The following ZFPM2 variants were observed in gnomAD, a reference collection of about 807,000 sequenced individuals.
The protein encoded by ZFPM2 is zinc finger protein, FOG family member 2.
In ZFPM2, 20 loss-of-function variants were observed where a neutral mutation model predicts 98.6. The ratio of observed to expected loss-of-function variants is 0.20; its 90% CI spans 0.14 to 0.29. The LOEUF is 0.29. Among genes scored for constraint, ZFPM2 ranks in the 10% least tolerant of loss-of-function variants. ZFPM2 has a pLI of 1.00. For synonymous variants in ZFPM2, 518 were observed against 502.7 expected, an observed-to-expected ratio of 1.03 and a Z score of -0.41; for missense variants, 1,310 against 1,388.6, an observed-to-expected ratio of 0.94 and a Z score of 0.90.
At chr8:105,380,605 A>AT (rs1563630685) in intron 1 of ZFPM2, among the ~76,000 whole-genome samples, 6 of 71,710 alleles carry the variant, frequency 8.4e-5, no homozygotes, top group Non-Finnish European at 1.6e-4. Context: ...TATATATTAT[A>AT]TATATATATA....
At chr8:105,779,341 G>A (rs1813189682) in intron 5 of ZFPM2, among the ~76,000 whole-genome samples, 1 of 152,182 alleles carries the variant, frequency 6.6e-6, no homozygotes, top group African/African-American at 2.4e-5. Context: ...AGCTGTGCTA[G>A]AGGTTTACAG....
At position 105,443,538 on chromosome 8, in the gene ZFPM2, A is replaced by G. The variant is rs531132238; in HGVS notation, c.200-742A>G. On this transcript the variant is annotated intron_variant, in intron 2 of 7. Transcript: ENST00000407775. ...CTTTGTTACATTATCACTTAAAATG[A>G]AGGTACTCATTAATTAGACTTTTTG... is the stretch of plus-strand genomic sequence containing the variant. Among the ~76,000 whole-genome samples the G allele has an allele frequency of 1.2e-4, 18 of 152,284 alleles. No homozygotes were observed. In the East Asian group the frequency reaches 3.5e-3, roughly 29 times the overall value.
At chr8:105,634,065 G>A (rs1816801769) in intron 4 of ZFPM2, among the ~76,000 whole-genome samples, 181 bp from the exon 5 acceptor site, 1 of 152,048 alleles carries the variant, frequency 6.6e-6, no homozygotes, top group Admixed American at 6.6e-5. Flanking sequence ...ATTAGTGAAA[G>A]CAGTAAAGCT....
intron 5 of ZFPM2, among the ~76,000 whole-genome samples, chr8:105,676,762 T>C (rs1019982126): frequency 4.6e-5 from 7 of 152,048 alleles, no homozygotes; most frequent in African/African-American, 1.7e-4. Context: ...AATTTCATGC[T>C]TCACTATGAA....
chr8:105,735,446 A>G (rs2131022223), intron 5 of ZFPM2, among the ~76,000 whole-genome samples: 1 of 151,838 alleles, frequency 6.6e-6, no homozygotes, highest in East Asian at 1.9e-4. Flanking sequence ...TATAAAAACA[A>G]CTCAGTTTTT....
intron 3 of ZFPM2, among the ~76,000 whole-genome samples, chr8:105,511,900 C>T (rs549469860): frequency 1.1e-3 from 164 of 152,282 alleles, no homozygotes; most frequent in African/African-American, 3.8e-3. Flanking sequence ...AATCCCAGCA[C>T]TTTGGGAGGC....
At chr8:105,731,708 A>G (rs1451121352) in intron 5 of ZFPM2, among the ~76,000 whole-genome samples, 2 of 151,748 alleles carry the variant, frequency 1.3e-5, no homozygotes, top group South Asian at 2.1e-4. Flanking sequence ...CATGAAATCT[A>G]AAGGAATTTG....
intron 3 of ZFPM2, among the ~76,000 whole-genome samples, chr8:105,559,032 C>A (rs1195741236): frequency 6.6e-6 from 1 of 152,020 alleles, no homozygotes; most frequent in African/African-American, 2.4e-5. Flanking sequence ...TATATTGAGT[C>A]GTGTTGTCCC....
intron 5 of ZFPM2, among the ~76,000 whole-genome samples, chr8:105,639,783 G>A (rs1369924537): frequency 3.9e-5 from 6 of 151,972 alleles, no homozygotes; most frequent in Admixed American, 2.0e-4. Flanking sequence ...TAGTGATATC[G>A]TATTTATAGC....
intron 5 of ZFPM2, among the ~76,000 whole-genome samples, chr8:105,690,007 A>G (rs1810839009): frequency 6.6e-6 from 1 of 152,196 alleles, no homozygotes; most frequent in Non-Finnish European, 1.5e-5. Flanking sequence ...ATTTGAGATT[A>G]GGAGGCAGAA....
chr8:105,790,069 T>C (rs1269077122), intron 6 of ZFPM2, among the ~76,000 whole-genome samples: 2 of 151,580 alleles, frequency 1.3e-5, no homozygotes, highest in East Asian at 1.9e-4. Context: ...TCTTTTGCTG[T>C]GCAGAAGCTC....
chr8:105,444,392 A>T lies in ZFPM2; in HGVS notation c.301+11A>T. 1 of 1,595,402 alleles carries T rather than the reference A, an allele frequency of 6.3e-7. No homozygotes were observed. Among genetic ancestry groups the T allele is most frequent in the Non-Finnish European group, 8.6e-7 (1 of 1,168,660 alleles). ...ACTGGGATGGACCAGGTAGGGGAGA[A>T]TATTTAAAATTCAACCGTCTTTAGT... On this transcript the variant is annotated intron_variant, in intron 3 of 7. Coordinates refer to ENST00000407775, the MANE Select transcript of ZFPM2 (RefSeq NM_012082.4).
At chr8:105,474,840 T>C (rs921710715) in intron 3 of ZFPM2, among the ~76,000 whole-genome samples, 49 of 147,282 alleles carry the variant, frequency 3.3e-4, no homozygotes, top group African/African-American at 1.2e-3. Context: ...TCTCCTTTTC[T>C]CAAGTCAAGC....
intron 4 of ZFPM2, among the ~76,000 whole-genome samples, chr8:105,584,013 C>T (rs919033429): frequency 3.3e-5 from 5 of 152,000 alleles, no homozygotes; most frequent in Non-Finnish European, 7.4e-5. Context: ...TAAAAAAATT[C>T]CTCATGAAAT....
At chr8:105,714,553 G>T (rs927758409) in intron 5 of ZFPM2, among the ~76,000 whole-genome samples, 1 of 151,766 alleles carries the variant, frequency 6.6e-6, no homozygotes, top group African/African-American at 2.4e-5. Context: ...TTTTAATAAG[G>T]TAATAAATAC....
chr8:105,663,515 A>G (rs1384160781), intron 5 of ZFPM2, among the ~76,000 whole-genome samples: 1 of 152,162 alleles, frequency 6.6e-6, no homozygotes, highest in African/African-American at 2.4e-5. Context: ...TTCTGCTCTT[A>G]TGGGGCTTAC....
chr8:105,725,897 T>G (rs1811797930), intron 5 of ZFPM2, among the ~76,000 whole-genome samples: 1 of 151,722 alleles, frequency 6.6e-6, no homozygotes, highest in Admixed American at 6.6e-5. Context: ...GGGTCTATGA[T>G]TCAACCCAGT....
chr8:105,492,751 A>C (rs1231330076), intron 3 of ZFPM2, among the ~76,000 whole-genome samples: 1 of 152,186 alleles, frequency 6.6e-6, no homozygotes, highest in Admixed American at 6.5e-5. Context: ...AACAATACTG[A>C]TTAGTAATGA....
At position 105,801,621 on chromosome 8, in the gene ZFPM2, T is replaced by C; in HGVS notation, c.1539T>C (p.Ala513=). The change falls in exon 8 of 8, where the codon GCT becomes GCC. Residue 513 remains alanine (A), a synonymous_variant. Transcript: ENST00000407775. The stretch of plus-strand genomic sequence containing the variant: ...AAGATATCACCATGGTCCCTCAAGC[T>C]TCAGAGATCTTAGCTAAGATGTCTG... ...FPQDITMVPQ[A]SEILAKMSEL... is the part of the protein sequence containing the mutation. The C allele has an allele frequency of 6.2e-7, 1 of 1,613,786 alleles. No individual in the cohort carries two copies. The highest frequency in any genetic ancestry group is 8.5e-7 in the Non-Finnish European group (1 of 1,179,850).
Sources: gnomAD v4.1 joint callset for allele counts (sites outside exome capture counted in the v4.1 genomes callset) on GRCh38, gnomAD v4.1.1 for gene constraint, MANE v1.5 for transcripts, NCBI Gene and HGNC (gene_info 2026-07-23, HGNC 2026-07-21) for gene names.